The following KCNT2 variants were observed in gnomAD, a reference collection of about 807,000 sequenced individuals.
KCNT2 encodes the protein potassium channel subfamily T member 2.
In KCNT2, 67 loss-of-function variants were observed where a neutral mutation model predicts 153.8. That is an observed-to-expected ratio of 0.44 (90% CI 0.36 to 0.53). The LOEUF (loss-of-function observed/expected upper bound fraction) is 0.53, where lower values mean the gene tolerates loss of function less well. KCNT2 is among the 20% of genes least tolerant of loss of function. The pLI, the probability that KCNT2 is intolerant of heterozygous loss-of-function variation, is 0.00. For synonymous variants in KCNT2, 500 were observed against 458.8 expected, an observed-to-expected ratio of 1.09 and a Z score of -1.15; for missense variants, 975 against 1,354.8, an observed-to-expected ratio of 0.72 and a Z score of 4.40.
chr1:196,391,457 C>G (rs1305907446), intron 13 of KCNT2, among the ~76,000 whole-genome samples: 1 of 151,180 alleles, frequency 6.6e-6, no homozygotes, highest in African/African-American at 2.4e-5. Context: ...CTGGCACTTT[C>G]TAAAAAAATA....
Position 196,342,242 on chromosome 1 carries a change from A to G in KCNT2, c.1404-14T>C. ...TGCTGGCCTTCTCTGCAACACAGGC[A>G]CACACACATACACACACACAAAAAG... On this transcript the variant is annotated splice_polypyrimidine_tract_variant and intron_variant, in intron 14 of 27. Coordinates refer to ENST00000294725, the MANE Select transcript of KCNT2 (RefSeq NM_198503.5). The G allele has an allele frequency of 6.3e-7, 1 of 1,584,310 alleles. No individual in the cohort carries two copies. Among genetic ancestry groups the G allele is most frequent in the South Asian group, 1.2e-5 (1 of 86,222 alleles).
intron 25 of KCNT2, among the ~76,000 whole-genome samples, chr1:196,267,043 T>A (rs1657608804): frequency 6.6e-6 from 1 of 152,184 alleles, no homozygotes; most frequent in Non-Finnish European, 1.5e-5. Flanking sequence ...TAGCTTTTCT[T>A]TATCTTCAAA....
In KCNT2 at chr1:196,546,423, C is replaced by G. The variant is rs530095526; in HGVS notation, c.96-54082G>C. On this transcript the variant is annotated intron_variant, in intron 1 of 27. Transcript: ENST00000294725. Reference sequence around the variant, plus strand: ...TCTTATCTTTGCAGCATATGGGCCTCCTAGTGATAGCAGCCAGCAATTTGA... The same window carrying G: ...TCTTATCTTTGCAGCATATGGGCCTGCTAGTGATAGCAGCCAGCAATTTGA... 7.9e-5 allele frequency among the ~76,000 whole-genome samples: 12 copies of G among 152,090 alleles called. 1 individual carries two copies. The South Asian group carries it at 2.5e-3, about 32-fold the overall frequency.
At chr1:196,474,908 T>C (rs932253820) in intron 5 of KCNT2, among the ~76,000 whole-genome samples, 13 of 152,176 alleles carry the variant, frequency 8.5e-5, no homozygotes, top group East Asian at 7.7e-4. Context: ...GTTCATGTCA[T>C]GGATGCTAAT....
chr1:196,275,324 A>G lies in KCNT2; in HGVS notation c.2910+5536T>C, dbSNP rs1055121735. ...CTCCTGGCATGGAGGGCATATGACT[A>G]ATTATGAATGGGCAGTTCCATCTCT... On this transcript the variant is annotated intron_variant, in intron 25 of 27. Coordinates refer to ENST00000294725, the MANE Select transcript of KCNT2 (RefSeq NM_198503.5). Among the ~76,000 whole-genome samples the G allele has an allele frequency of 2.6e-5, 4 of 151,794 alleles. No individual in the cohort carries two copies. In the Admixed American group the frequency reaches 2.6e-4, roughly 10 times the overall value.
chr1:196,276,503 G>T (rs180875020), intron 25 of KCNT2, among the ~76,000 whole-genome samples: 1 of 151,924 alleles, frequency 6.6e-6, no homozygotes, highest in African/African-American at 2.4e-5. Flanking sequence ...ACCTGCTCTA[G>T]GTCTCCCTTT....
intron 12 of KCNT2, among the ~76,000 whole-genome samples, chr1:196,420,974 T>C (rs1673152990): frequency 6.6e-6 from 1 of 152,066 alleles, no homozygotes; most frequent in Admixed American, 6.6e-5. Context: ...AGTATTCATG[T>C]ATTTAGTCAT....
chr1:196,273,482 T>C, intron 25 of KCNT2: 2 of 1,530,968 alleles, frequency 1.3e-6, no homozygotes, highest in Non-Finnish European at 1.7e-6. Flanking sequence ...GATGCTATTT[T>C]TCGAGACTGA....
chr1:196,339,506 G>GAC (rs570211182), intron 16 of KCNT2, among the ~76,000 whole-genome samples: 189 of 128,926 alleles, frequency 1.5e-3, no homozygotes, highest in African/African-American at 4.9e-3. Flanking sequence ...GATATGAAGA[G>GAC]ACACACACAC....
chr1:196,392,425 A>G (rs541246202), intron 13 of KCNT2, among the ~76,000 whole-genome samples: 1 of 151,488 alleles, frequency 6.6e-6, no homozygotes, highest in South Asian at 2.1e-4. Flanking sequence ...TTTTGAAAAT[A>G]TAACAACTCT....
chr1:196,489,001 T>C (rs1357320752), intron 3 of KCNT2, among the ~76,000 whole-genome samples: 1 of 151,976 alleles, frequency 6.6e-6, no homozygotes, highest in Non-Finnish European at 1.5e-5. Context: ...AGATTAACTG[T>C]TATCCATAAA....
intron 2 of KCNT2, among the ~76,000 whole-genome samples, 155 bp downstream of exon 2, chr1:196,492,107 G>A (rs1679901309): frequency 6.6e-6 from 1 of 151,750 alleles, no homozygotes; most frequent in South Asian, 2.1e-4. Flanking sequence ...ACCACCTGCT[G>A]GAAAAAATAA....
intron 13 of KCNT2, among the ~76,000 whole-genome samples, chr1:196,389,341 C>T (rs1377343260): frequency 1.3e-5 from 2 of 151,600 alleles, no homozygotes; most frequent in South Asian, 2.1e-4. Flanking sequence ...TAATGCCGGC[C>T]TTACAAAATC....
chr1:196,474,182 TAAAG>T (rs1244050323), intron 5 of KCNT2, among the ~76,000 whole-genome samples: 2 of 152,120 alleles, frequency 1.3e-5, no homozygotes, highest in African/African-American at 4.8e-5. Flanking sequence ...ATTTTTATCA[TAAAG>T]AAACATGGAA....
chr1:196,435,139 G>A (rs12405823), intron 8 of KCNT2, among the ~76,000 whole-genome samples: 13,080 of 44,502 alleles, frequency 0.29, 2,118 homozygotes, highest in Middle Eastern at 0.4. Context: ...GTGTGTGTAT[G>A]TATATATATA....
chr1:196,323,048 A>C (rs1663487260), intron 19 of KCNT2, among the ~76,000 whole-genome samples: 1 of 151,970 alleles, frequency 6.6e-6, no homozygotes, highest in East Asian at 1.9e-4. Context: ...TTTTTAAGAT[A>C]AATGTTTTAA....
chr1:196,267,452 A>G (rs943997196), intron 25 of KCNT2, among the ~76,000 whole-genome samples: 2 of 152,132 alleles, frequency 1.3e-5, no homozygotes, highest in Admixed American at 1.3e-4. Flanking sequence ...TTCCTCATTA[A>G]CAAGTATCAC....
At chr1:196,284,230 T>TTAAAAAAAAAAAAAAA (rs1659406619) in intron 23 of KCNT2, among the ~76,000 whole-genome samples, 1 of 2,972 alleles carries the variant, frequency 3.4e-4, no homozygotes, top group Non-Finnish European at 9.2e-4. Flanking sequence ...GACTCTGTCT[T>TTAAAAAAAAAAAAAAA]AAAAAAAAAA....
chr1:196,282,814 CA>C (rs1659241966), intron 23 of KCNT2, among the ~76,000 whole-genome samples: 1 of 152,154 alleles, frequency 6.6e-6, no homozygotes, highest in Non-Finnish European at 1.5e-5. Context: ...TCTTTTTCCA[CA>C]ACACTTCATG....
Sources: gnomAD v4.1 joint callset for allele counts (sites outside exome capture counted in the v4.1 genomes callset) on GRCh38, gnomAD v4.1.1 for gene constraint, MANE v1.5 for transcripts, NCBI Gene and HGNC (gene_info 2026-07-23, HGNC 2026-07-21) for gene names.